The following TSNARE1 variants were observed in gnomAD, a reference collection of about 807,000 sequenced individuals.
TSNARE1 encodes the protein t-SNARE domain-containing protein 1.
Under a neutral mutation model 62.0 loss-of-function variants are expected in TSNARE1, and 49 were observed. The ratio of observed to expected loss-of-function variants is 0.79; its 90% CI spans 0.63 to 1.00. TSNARE1 has a LOEUF of 1.00. Among genes scored for constraint, TSNARE1 ranks in the 50% least tolerant of loss-of-function variants. TSNARE1 has a pLI of 0.00. For missense variants in TSNARE1, 755 were observed against 700.1 expected (o/e 1.08, Z -0.88); for synonymous variants, 328 against 294.4 (o/e 1.11, Z -1.17).
At chr8:142,371,815 C>A (rs1343655411) in intron 1 of TSNARE1, among the ~76,000 whole-genome samples, 3 of 152,160 alleles carry the variant, frequency 2.0e-5, no homozygotes, top group Non-Finnish European at 4.4e-5. Flanking sequence ...TGAGGGTTGG[C>A]AAACAACAAC....
intron 9 of TSNARE1, among the ~76,000 whole-genome samples, chr8:142,311,347 G>T (rs1477482545): frequency 2.9e-5 from 4 of 136,584 alleles, no homozygotes; most frequent in African/African-American, 5.8e-5. Flanking sequence ...GCCCAGGCTG[G>T]AGTGCAATGG....
intron 13 of TSNARE1, among the ~76,000 whole-genome samples, chr8:142,222,756 T>TCATC (rs1816440993): frequency 2.1e-5 from 2 of 96,322 alleles, no homozygotes; most frequent in African/African-American, 8.2e-5. Flanking sequence ...ACTCATCCAC[T>TCATC]CACTCACTCA....
At position 142,315,020 on chromosome 8, in the gene TSNARE1, A is replaced by G; in HGVS notation, c.1057T>C (p.Tyr353His). 1 of 1,614,026 alleles carries G rather than the reference A, an allele frequency of 6.2e-7. No individual in the cohort carries two copies. Among genetic ancestry groups the G allele is most frequent in the Admixed American group, 1.7e-5 (1 of 60,018 alleles). Residue 353 changes from tyrosine to histidine, a missense_variant, in exon 8 of 14, where the codon TAT (tyrosine) becomes CAT (histidine). Physicochemically the swap from Tyr to His is moderately conservative, Grantham distance 83 (BLOSUM62 2). Coordinates refer to ENST00000524325, the MANE Select transcript of TSNARE1 (RefSeq NM_145003.5). ...KTQLSDAIQC[Y>H]GVVQKKIAEK... ...CACCTCACCTTCTGCACCACTCCAT[A>G]GCACTGAATGGCATCTGAGAGCTGG... is the stretch of plus-strand genomic sequence containing the variant.
intron 11 of TSNARE1, among the ~76,000 whole-genome samples, chr8:142,279,569 G>A (rs555109260): frequency 5.3e-5 from 8 of 152,180 alleles, no homozygotes; most frequent in African/African-American, 9.7e-5. Context: ...GTATATGGTC[G>A]AGCCCCTTGA....
intron 11 of TSNARE1, chr8:142,275,753 C>G: frequency 1.0e-6 from 1 of 985,442 alleles, no homozygotes; most frequent in Non-Finnish European, 1.2e-6. Context: ...CCTGCAGTGC[C>G]TACCAGGGCA....
At chr8:142,269,476 G>A in intron 12 of TSNARE1, 1 of 985,432 alleles carries the variant, frequency 1.0e-6, no homozygotes, top group South Asian at 4.7e-5. Context: ...TGTCAGCCGT[G>A]CTGGGTATCT....
Position 142,298,067 on chromosome 8 carries a change from C to G in TSNARE1, c.1290+2419G>C, listed in dbSNP as rs1263095084. On this transcript the variant is annotated intron_variant, in intron 10 of 13. Coordinates refer to ENST00000524325, the MANE Select transcript of TSNARE1 (RefSeq NM_145003.5). ...CCTGCTACCCCCCGTCCGCACAGTGCTGAGCTGTGAGGGTCCCCGAGGGCC... is the reference window on the plus strand; with the variant it reads ...CCTGCTACCCCCCGTCCGCACAGTGGTGAGCTGTGAGGGTCCCCGAGGGCC... Among the ~76,000 whole-genome samples the G allele has an allele frequency of 2.0e-5, 3 of 152,208 alleles. No individual in the cohort carries two copies. The East Asian group carries it at 5.8e-4, about 29-fold the overall frequency.
At chr8:142,289,769 T>C (rs948243681) in intron 10 of TSNARE1, among the ~76,000 whole-genome samples, 1 of 152,210 alleles carries the variant, frequency 6.6e-6, no homozygotes, top group African/African-American at 2.4e-5. Flanking sequence ...CGGGACTTAC[T>C]GGGGATTCTC....
chr8:142,330,992 G>A, intron 5 of TSNARE1, 22 bp from the exon 6 acceptor site: 1 of 1,612,172 alleles, frequency 6.2e-7, no homozygotes, highest in Non-Finnish European at 8.5e-7. Flanking sequence ...AAGAGGGACA[G>A]GGTGAGGGCA....
At chr8:142,215,486 TG>T (rs893231394) in intron 13 of TSNARE1, among the ~76,000 whole-genome samples, 4 of 152,076 alleles carry the variant, frequency 2.6e-5, no homozygotes, top group African/African-American at 9.7e-5. Flanking sequence ...GATTGGGAAC[TG>T]GGTCTCATCC....
At chr8:142,381,468 G>GCCCCCC (rs542900493) in intron 1 of TSNARE1, among the ~76,000 whole-genome samples, 2 of 150,686 alleles carry the variant, frequency 1.3e-5, no homozygotes, top group African/African-American at 4.9e-5. Context: ...ACCTATCAGC[G>GCCCCCC]CCCCCCCCCA....
intron 13 of TSNARE1, among the ~76,000 whole-genome samples, chr8:142,214,157 G>A (rs1484566673): frequency 2.0e-5 from 3 of 152,196 alleles, no homozygotes; most frequent in East Asian, 1.9e-4. Flanking sequence ...GGGAGCAGGC[G>A]ATGACGCTGG....
intron 3 of TSNARE1, among the ~76,000 whole-genome samples, chr8:142,344,842 C>T (rs1156845975): frequency 6.6e-6 from 1 of 152,222 alleles, no homozygotes; most frequent in East Asian, 1.9e-4. Flanking sequence ...CTGGGCTGCT[C>T]CCGGGATCAG....
intron 12 of TSNARE1, chr8:142,273,225 C>T (rs1020423705): frequency 1.0e-6 from 1 of 985,432 alleles, no homozygotes; most frequent in Non-Finnish European, 1.2e-6. Context: ...TCCCATCGTC[C>T]TCCTGCCGTC....
At chr8:142,367,591 A>G (rs1023422637) in intron 1 of TSNARE1, among the ~76,000 whole-genome samples, 4 of 152,242 alleles carry the variant, frequency 2.6e-5, no homozygotes, top group African/African-American at 9.6e-5. Flanking sequence ...TGATGGAGAT[A>G]TTCTGGCATT....
chr8:142,368,974 C>G (rs1835745124), intron 1 of TSNARE1, among the ~76,000 whole-genome samples: 1 of 152,324 alleles, frequency 6.6e-6, no homozygotes, highest in South Asian at 2.1e-4. Flanking sequence ...CAGCAAAGGA[C>G]TCAAGCAGAG....
At position 142,273,716 on chromosome 8, in the gene TSNARE1, CTGGGT is replaced by C. The variant is rs996082749; in HGVS notation, c.1446+1060_1446+1064del. ...CACTCCCACAGTGGGGGTGCCCGGG[CTGGGT>C]CCCACTGGGGAAGCTCAAGGCAGCC... On this transcript the variant is annotated intron_variant, in intron 12 of 13. Coordinates refer to ENST00000524325, the MANE Select transcript of TSNARE1 (RefSeq NM_145003.5). 2.2e-5 allele frequency: 22 copies of C among 985,314 alleles called. No individual in the cohort carries two copies. The African/African-American group carries it at 3.5e-4, about 16-fold the overall frequency. The allele number at this position is 985,314 out of a possible 1,614,324, so 61.0% of individuals were successfully genotyped here. A position where few individuals can be genotyped will look rare whatever the true frequency, so the allele number is the denominator to read the frequency against.
At chr8:142,217,301 GAAAAAGAAAGAA>G (rs1815893933) in intron 13 of TSNARE1, among the ~76,000 whole-genome samples, 1 of 33,390 alleles carries the variant, frequency 3.0e-5, no homozygotes, top group African/African-American at 1.1e-4. Context: ...AAGAAAGAAA[GAAAAAGAAAGAA>G]AGAAAGAAAG....
At chr8:142,265,588 TTC>T (rs1819095138) in intron 12 of TSNARE1, among the ~76,000 whole-genome samples, 1 of 152,252 alleles carries the variant, frequency 6.6e-6, no homozygotes. Flanking sequence ...ACATGAGTTT[TTC>T]TTTCTCTAGG....
Sources: allele counts gnomAD v4.1 joint callset (sites outside exome capture counted in the v4.1 genomes callset), GRCh38; gene constraint gnomAD v4.1.1; transcripts MANE v1.5; gene names NCBI Gene and HGNC (gene_info 2026-07-23, HGNC 2026-07-21).